The following WDR72 variants were observed in gnomAD, a reference collection of about 807,000 sequenced individuals.
WDR72 encodes the protein WD repeat-containing protein 72.
A neutral mutation model predicts 124.2 loss-of-function variants in WDR72; 120 were observed. The ratio of observed to expected loss-of-function variants is 0.97; its 90% CI spans 0.83 to 1.12. The LOEUF (loss-of-function observed/expected upper bound fraction) is 1.12, where lower values mean the gene tolerates loss of function less well. Ranked by LOEUF, WDR72 falls within the 50% of genes most tolerant of loss-of-function variation. The probability of loss-of-function intolerance (pLI) is 0.00; values close to 1 mark genes in which losing one functional copy is unlikely to be tolerated. For missense variants in WDR72, 1,387 were observed against 1,278.8 expected (o/e 1.08, Z -1.29); for synonymous variants, 452 against 441.7 (o/e 1.02, Z -0.29).
chr15:53,632,157 T>C (rs1420735445), intron 14 of WDR72, among the ~76,000 whole-genome samples: 1 of 152,014 alleles, frequency 6.6e-6, no homozygotes, highest in Non-Finnish European at 1.5e-5. Context: ...AAGGACTAAA[T>C]GGTTTCCTGG....
At chr15:53,621,352 T>C (rs918806475) in intron 14 of WDR72, among the ~76,000 whole-genome samples, 6 of 150,966 alleles carry the variant, frequency 4.0e-5, no homozygotes, top group African/African-American at 7.3e-5. Context: ...ACTATGTTTA[T>C]AGCAGTACAG....
chr15:53,710,937 T>C lies in WDR72; in HGVS notation c.874A>G (p.Ile292Val). ...QLLNSGLSKS[I>V]YPADGRVLKE... is the part of the protein sequence containing the mutation. ...AGCACTCTTCCATCAGCAGGGTATA[T>C]GCTTTTTGAAAGCCCACTGCGTGGC... Residue 292 changes from isoleucine to valine, a missense_variant, in exon 9 of 20, where the codon ATA (isoleucine) becomes GTA (valine). By Grantham distance (29) the Ile-to-Val change is conservative (BLOSUM62 3). Coordinates refer to ENST00000360509, the MANE Select transcript of WDR72 (RefSeq NM_182758.4). 2 of 1,613,754 alleles carry C rather than the reference T, an allele frequency of 1.2e-6. No homozygotes were observed. Among genetic ancestry groups the C allele is most frequent in the Middle Eastern group, 1.6e-4 (1 of 6,062 alleles).
At chr15:53,553,092 T>C (rs923110582) in intron 18 of WDR72, among the ~76,000 whole-genome samples, 2 of 152,092 alleles carry the variant, frequency 1.3e-5, no homozygotes, top group Non-Finnish European at 2.9e-5. Flanking sequence ...CCCACAGCAA[T>C]GATTCAGAAT....
At chr15:53,740,646 T>C (rs779919588) in intron 1 of WDR72, among the ~76,000 whole-genome samples, 1 of 152,236 alleles carries the variant, frequency 6.6e-6, no homozygotes, top group Non-Finnish European at 1.5e-5. Context: ...GAATCATTTC[T>C]TAATCACTCA....
intron 14 of WDR72, among the ~76,000 whole-genome samples, chr15:53,640,770 G>A (rs1277022380): frequency 6.6e-6 from 1 of 152,010 alleles, no homozygotes; most frequent in Non-Finnish European, 1.5e-5. Flanking sequence ...GGCTTTTAGT[G>A]AGAAAAGCTT....
At chr15:53,660,550 C>T (rs1233251986) in intron 14 of WDR72, among the ~76,000 whole-genome samples, 1 of 151,946 alleles carries the variant, frequency 6.6e-6, no homozygotes, top group Admixed American at 6.6e-5. Context: ...CAAATGGTAC[C>T]AGAGACACAT....
At chr15:53,733,531 G>T (rs2018264829) in intron 1 of WDR72, among the ~76,000 whole-genome samples, 1 of 152,110 alleles carries the variant, frequency 6.6e-6, no homozygotes, top group Admixed American at 6.6e-5. Flanking sequence ...TTTGAAGCCA[G>T]CTTTGCAGAC....
intron 18 of WDR72, among the ~76,000 whole-genome samples, chr15:53,545,400 C>A (rs1281081830): frequency 1.3e-5 from 2 of 149,540 alleles, no homozygotes; most frequent in African/African-American, 5.0e-5. Flanking sequence ...CTGAGAAAAA[C>A]AAGCAATGGG....
intron 14 of WDR72, among the ~76,000 whole-genome samples, chr15:53,646,117 T>C (rs1423513368): frequency 2.6e-5 from 4 of 152,174 alleles, no homozygotes; most frequent in African/African-American, 9.7e-5. Flanking sequence ...TAACCATATC[T>C]CTGTATGTCT....
At chr15:53,726,701 G>T (rs2018049136) in intron 2 of WDR72, among the ~76,000 whole-genome samples, 1 of 151,844 alleles carries the variant, frequency 6.6e-6, no homozygotes, top group African/African-American at 2.4e-5. Flanking sequence ...AAAATTAGCT[G>T]GGCATGGTGG....
At chr15:53,726,192 A>ATATATGTG (rs1420130929) in intron 2 of WDR72, among the ~76,000 whole-genome samples, 6 of 126,558 alleles carry the variant, frequency 4.7e-5, no homozygotes, top group African/African-American at 1.4e-4. Flanking sequence ...ATATATATAT[A>ATATATGTG]TGTGTGTGTG....
At chr15:53,679,170 G>A (rs73410166) in intron 13 of WDR72, among the ~76,000 whole-genome samples, 11,519 of 152,184 alleles carry the variant, frequency 0.076, 1,124 homozygotes, top group African/African-American at 0.22. Context: ...GGACAAATGG[G>A]GCATTACTGT....
chr15:53,542,971 C>A (rs1893229656), intron 18 of WDR72, among the ~76,000 whole-genome samples: 1 of 152,162 alleles, frequency 6.6e-6, no homozygotes, highest in African/African-American at 2.4e-5. Flanking sequence ...GCACTCAACA[C>A]AGGAGCACCC....
intron 17 of WDR72, among the ~76,000 whole-genome samples, chr15:53,599,758 A>G (rs759676706): frequency 6.6e-6 from 1 of 151,066 alleles, no homozygotes; most frequent in African/African-American, 2.4e-5. Flanking sequence ...ATAATATCCT[A>G]TACAACTTGG....
chr15:53,732,510 G>A (rs1181181473), intron 2 of WDR72, among the ~76,000 whole-genome samples: 1 of 152,142 alleles, frequency 6.6e-6, no homozygotes, highest in Non-Finnish European at 1.5e-5. Flanking sequence ...ATTGGATTTA[G>A]AGCATTTTGA....
chr15:53,619,168 C>T (rs191185486), intron 14 of WDR72, among the ~76,000 whole-genome samples: 3 of 151,862 alleles, frequency 2.0e-5, no homozygotes, highest in African/African-American at 4.8e-5. Context: ...ACTTATTATA[C>T]TTTGCATCTG....
At chr15:53,625,443 G>A (rs1021004266) in intron 14 of WDR72, among the ~76,000 whole-genome samples, 2 of 152,164 alleles carry the variant, frequency 1.3e-5, no homozygotes, top group Non-Finnish European at 2.9e-5. Flanking sequence ...GTTTACAATT[G>A]GTAAAGCAAG....
At chr15:53,633,567 AC>A (rs2014511990) in intron 14 of WDR72, among the ~76,000 whole-genome samples, 1 of 152,228 alleles carries the variant, frequency 6.6e-6, no homozygotes, top group Non-Finnish European at 1.5e-5. Context: ...CAATAGCACC[AC>A]AAAAAAGAAA....
intron 13 of WDR72, among the ~76,000 whole-genome samples, chr15:53,691,620 C>CAGACAGAT (rs1214944836): frequency 9.6e-5 from 14 of 145,598 alleles, no homozygotes; most frequent in African/African-American, 1.5e-4. Context: ...GACAGACAGA[C>CAGACAGAT]AGATAGATAG....
Sources: gnomAD v4.1 joint callset for allele counts (sites outside exome capture counted in the v4.1 genomes callset) on GRCh38, gnomAD v4.1.1 for gene constraint, MANE v1.5 for transcripts, NCBI Gene and HGNC (gene_info 2026-07-23, HGNC 2026-07-21) for gene names.